NRG1: variants seen among roughly 807,000 people sequenced by gnomAD.
NRG1 encodes pro-neuregulin-1, membrane-bound isoform.
Under a neutral mutation model 63.8 loss-of-function variants are expected in NRG1, and 18 were observed. The observed-to-expected ratio is 0.28, with a 90% CI of 0.19 to 0.42. The LOEUF is 0.42. Ranked by LOEUF, NRG1 falls within the 10% of genes least tolerant of loss-of-function variation. NRG1 has a pLI of 1.00. For missense variants in NRG1, 762 were observed against 814.7 expected, an observed-to-expected ratio of 0.94 and a Z score of 0.79; for synonymous variants, 302 against 301.3, an observed-to-expected ratio of 1.00 and a Z score of -0.02.
chr8:32,090,813 T>C (rs1217624153), intron 1 of NRG1, among the ~76,000 whole-genome samples: 3 of 152,194 alleles, frequency 2.0e-5, no homozygotes, highest in African/African-American at 7.2e-5. Flanking sequence ...GGCTGAGGTC[T>C]TCTTAGTTTA....
chr8:32,079,984 AG>A (rs1317867059), intron 1 of NRG1, among the ~76,000 whole-genome samples: 1 of 152,202 alleles, frequency 6.6e-6, no homozygotes, highest in African/African-American at 2.4e-5. Context: ...ATAAAGTAGT[AG>A]TAATAAAATA....
intron 1 of NRG1, among the ~76,000 whole-genome samples, chr8:31,943,157 A>G (rs1802012936): frequency 6.6e-6 from 1 of 152,144 alleles, no homozygotes; most frequent in South Asian, 2.1e-4. Context: ...AGAAGATATG[A>G]CAAAAATATT....
At chr8:32,383,094 C>T (rs1009313379) in intron 1 of NRG1, among the ~76,000 whole-genome samples, 2 of 151,392 alleles carry the variant, frequency 1.3e-5, no homozygotes, top group African/African-American at 2.4e-5. Flanking sequence ...GGCATGGTGG[C>T]ACATGCCTGT....
At chr8:32,155,976 T>C (rs973453571) in intron 1 of NRG1, among the ~76,000 whole-genome samples, 1 of 152,156 alleles carries the variant, frequency 6.6e-6, no homozygotes, top group Non-Finnish European at 1.5e-5. Flanking sequence ...GTCAAAAGGG[T>C]TATTTCCACA....
intron 1 of NRG1, among the ~76,000 whole-genome samples, chr8:31,879,421 C>T (rs1381080042): frequency 6.6e-6 from 1 of 152,182 alleles, no homozygotes; most frequent in African/African-American, 2.4e-5. Flanking sequence ...GCACTGGAGT[C>T]CAGTGATGCA....
At chr8:32,626,636 C>T (rs1440028794) in intron 5 of NRG1, among the ~76,000 whole-genome samples, 2 of 150,474 alleles carry the variant, frequency 1.3e-5, no homozygotes, top group African/African-American at 2.4e-5. Context: ...GCCAAAATCG[C>T]GCCACTGCCC....
At chr8:31,662,348 T>C (rs1273071544) in intron 1 of NRG1, among the ~76,000 whole-genome samples, 1 of 152,152 alleles carries the variant, frequency 6.6e-6, no homozygotes, top group Non-Finnish European at 1.5e-5. Context: ...CCTTAAAAAG[T>C]AAGTAAATAA....
chr8:32,029,550 C>T (rs563887410), intron 1 of NRG1: 12 of 152,162 alleles, frequency 7.9e-5, no homozygotes, highest in Non-Finnish European at 1.6e-4. Flanking sequence ...ATGGTTTGAA[C>T]AGTTGATTGA....
At chr8:31,957,264 A>G (rs1017717005) in intron 1 of NRG1, among the ~76,000 whole-genome samples, 3 of 152,030 alleles carry the variant, frequency 2.0e-5, no homozygotes, top group Non-Finnish European at 4.4e-5. Flanking sequence ...GAGACCTAGA[A>G]GCAATTTTTA....
chr8:32,233,560 TA>T lies in NRG1; in HGVS notation c.38-362267del, dbSNP rs1263493983. ...GAATATATATATATATATATATATA[TA>T]TATTTTTTTTTTTTTTTCTTTTGAA... is the stretch of plus-strand genomic sequence containing the variant. On this transcript the variant is annotated intron_variant, in intron 1 of 10. Transcript: ENST00000519301. Among the ~76,000 whole-genome samples the T allele has an allele frequency of 4.1e-3, 254 of 61,666 alleles. 1 individual carries two copies. The highest frequency in any genetic ancestry group is 0.02 in the African/African-American group (207 of 10,406). 40.5% of individuals were successfully genotyped at this position (61,666 alleles called of 152,430 possible).
chr8:32,378,768 CG>C (rs1211750833), intron 1 of NRG1, among the ~76,000 whole-genome samples: 1 of 145,456 alleles, frequency 6.9e-6, no homozygotes, highest in East Asian at 2.0e-4. Flanking sequence ...ATCCCTCCCC[CG>C]TCCCCCAACC....
intron 1 of NRG1, among the ~76,000 whole-genome samples, chr8:32,466,620 C>T (rs1405567906): frequency 3.9e-5 from 6 of 152,120 alleles, no homozygotes. Context: ...GTGATTATGT[C>T]TAAAAGCCTG....
intron 1 of NRG1, among the ~76,000 whole-genome samples, chr8:31,754,123 C>T (rs548576325): frequency 6.6e-6 from 1 of 152,168 alleles, no homozygotes; most frequent in South Asian, 2.1e-4. Flanking sequence ...GCTGTTGCAG[C>T]CAATGACATA....
At chr8:31,761,656 G>A (rs1817571667) in intron 1 of NRG1, among the ~76,000 whole-genome samples, 1 of 152,082 alleles carries the variant, frequency 6.6e-6, no homozygotes, top group Non-Finnish European at 1.5e-5. Flanking sequence ...CATAACATTT[G>A]TTAAGTTGAC....
intron 1 of NRG1, among the ~76,000 whole-genome samples, chr8:31,978,980 A>G (rs1159936201): frequency 6.6e-6 from 1 of 152,122 alleles, no homozygotes; most frequent in African/African-American, 2.4e-5. Flanking sequence ...AAACAATAAA[A>G]CTTTCAGCCT....
chr8:32,556,319 T>A (rs973551504), intron 1 of NRG1, among the ~76,000 whole-genome samples: 2 of 152,226 alleles, frequency 1.3e-5, no homozygotes, highest in Non-Finnish European at 2.9e-5. Context: ...GTAACATTTT[T>A]TACAACCAAT....
intron 1 of NRG1, among the ~76,000 whole-genome samples, chr8:32,494,532 G>C (rs1826967535): frequency 6.6e-6 from 1 of 152,106 alleles, no homozygotes. Context: ...GGGGATCAAA[G>C]AGTTATCCTT....
intron 1 of NRG1, among the ~76,000 whole-genome samples, chr8:32,163,567 C>T (rs189178480): frequency 4.1e-4 from 62 of 152,294 alleles, no homozygotes; most frequent in South Asian, 8.3e-4. Context: ...TTGTCTTTTA[C>T]TTGCTCACTG....
At chr8:32,115,444 TAAG>T (rs1018837546) in intron 1 of NRG1, among the ~76,000 whole-genome samples, 1 of 152,116 alleles carries the variant, frequency 6.6e-6, no homozygotes, top group Non-Finnish European at 1.5e-5. Context: ...AAAATGTTAT[TAAG>T]AAAATCACAA....
Sources: gnomAD v4.1 joint callset for allele counts (sites outside exome capture counted in the v4.1 genomes callset) on GRCh38, gnomAD v4.1.1 for gene constraint, MANE v1.5 for transcripts, NCBI Gene and HGNC (gene_info 2026-07-23, HGNC 2026-07-21) for gene names.